The following PCDHGB4 variants were observed in gnomAD, a reference collection of about 807,000 sequenced individuals.
PCDHGB4 encodes the protein protocadherin gamma subfamily B, 4, also known as protocadherin gamma-B4.
Under a neutral mutation model 60.5 loss-of-function variants are expected in PCDHGB4, and 38 were observed. That is an observed-to-expected ratio of 0.63 (90% confidence interval 0.48 to 0.82). The LOEUF (loss-of-function observed/expected upper bound fraction) is 0.82. Ranked by LOEUF, PCDHGB4 falls within the 40% of genes least tolerant of loss-of-function variation. PCDHGB4 has a pLI of 0.00. For missense variants in PCDHGB4, 1,109 were observed against 1,209.6 expected, an observed-to-expected ratio of 0.92 and a Z score of 1.23; for synonymous variants, 456 against 509.7, an observed-to-expected ratio of 0.89 and a Z score of 1.42.
At position 141,491,502 on chromosome 5, in the gene PCDHGB4, C is replaced by G. The variant is rs751961360; in HGVS notation, c.2398-3305C>G. 1.4e-5 allele frequency: 23 copies of G among 1,614,080 alleles called. No homozygotes were observed. Among genetic ancestry groups the G allele is most frequent in the Non-Finnish European group, 1.8e-5 (21 of 1,180,006 alleles). ...GCCCCAACCTGCAGGTGAGCTCGGA[C>G]GGCACGCTCAAGTACATGGAGGTGA... On this transcript the variant is annotated intron_variant, in intron 1 of 3. Coordinates refer to ENST00000519479, the MANE Select transcript of PCDHGB4 (RefSeq NM_003736.4). This position sits in a 1 kb window ranked among gnomAD's most constrained non-coding sequence, Gnocchi z 6.9.
intron 1 of PCDHGB4, among the ~76,000 whole-genome samples, chr5:141,425,555 A>T (rs1282440598): frequency 6.6e-6 from 1 of 152,270 alleles, no homozygotes; most frequent in African/African-American, 2.4e-5. Flanking sequence ...AACCTCTTTT[A>T]TAAGTGATAA....
intron 1 of PCDHGB4, chr5:141,395,944 C>G (rs1218959085): frequency 6.6e-6 from 1 of 151,840 alleles, no homozygotes; most frequent in East Asian, 1.9e-4. Context: ...CATTGCTCCC[C>G]CAAACAAAAA....
chr5:141,478,799 CTT>C, intron 1 of PCDHGB4: 1 of 1,463,738 alleles, frequency 6.8e-7, no homozygotes, highest in Non-Finnish European at 9.0e-7. Flanking sequence ...CCTCAGCACT[CTT>C]TTGCTATCAC....
At position 141,489,861 on chromosome 5, in the gene PCDHGB4, A is replaced by G. The variant is rs1221756350; in HGVS notation, c.2398-4946A>G. The G allele has an allele frequency of 1.2e-5, 19 of 1,614,058 alleles. No individual in the cohort carries two copies. Among genetic ancestry groups the G allele is most frequent in the Non-Finnish European group, 1.5e-5 (18 of 1,179,998 alleles). On this transcript the variant is annotated intron_variant, in intron 1 of 3. Transcript: ENST00000519479. The surrounding 1 kb of genome is among the most constrained non-coding windows in gnomAD (Gnocchi z 4.5). ...AGCTGGATCGTGAAGCCCAGGCAAGACATCAGCTGGTGCTTACTGCTGTGG... is the reference window on the plus strand; with the variant it reads ...AGCTGGATCGTGAAGCCCAGGCAAGGCATCAGCTGGTGCTTACTGCTGTGG...
chr5:141,389,124 C>A lies in PCDHGB4; in HGVS notation c.1240C>A (p.Pro414Thr). 1 of 1,613,996 alleles carries A rather than the reference C, an allele frequency of 6.2e-7. No homozygotes were observed. Among genetic ancestry groups the A allele is most frequent in the Non-Finnish European group, 8.5e-7 (1 of 1,179,880 alleles). Residue 414 changes from proline to threonine, a missense_variant, in exon 1 of 4, where the codon CCA becomes ACA. Around this residue, in one of 2 missense-constraint regions of PCDHGB4, gnomAD observed 1,068 missense variants for 1,089.9 expected, o/e 0.98. Transcript: ENST00000519479. ...TDAVLDREQN[P>T]EYNITVTATD... Reference sequence around the variant, plus strand: ...TGCTGTTCTAGACCGCGAGCAGAATCCAGAGTACAATATAACCGTTACGGC... The same window carrying A: ...TGCTGTTCTAGACCGCGAGCAGAATACAGAGTACAATATAACCGTTACGGC...
At chr5:141,438,248 C>A (rs1370527448) in intron 1 of PCDHGB4, among the ~76,000 whole-genome samples, 1 of 151,970 alleles carries the variant, frequency 6.6e-6, no homozygotes, top group Non-Finnish European at 1.5e-5. Flanking sequence ...AAAAAACTGT[C>A]ATTGAAGAGA....
At chr5:141,425,159 G>T (rs557552439) in intron 1 of PCDHGB4, among the ~76,000 whole-genome samples, 1 of 152,244 alleles carries the variant, frequency 6.6e-6, no homozygotes, top group Non-Finnish European at 1.5e-5. Context: ...AGCATCTAGG[G>T]ATAGGATTTA....
intron 1 of PCDHGB4, chr5:141,400,772 G>T: frequency 1.8e-6 from 1 of 570,264 alleles, no homozygotes. Context: ...AAAACATTTG[G>T]TGCGTTTTTT....
intron 1 of PCDHGB4, among the ~76,000 whole-genome samples, chr5:141,455,749 C>A (rs2098830563): frequency 6.6e-6 from 1 of 152,086 alleles, no homozygotes; most frequent in Non-Finnish European, 1.5e-5. Context: ...AGGTTGCTGG[C>A]CTGGCTCCTA....
intron 1 of PCDHGB4, among the ~76,000 whole-genome samples, chr5:141,460,976 T>C (rs1444476508): frequency 7.6e-6 from 1 of 131,636 alleles, no homozygotes; most frequent in Non-Finnish European, 1.6e-5. Flanking sequence ...TGTGTGTGTG[T>C]GTGTGTGTAT....
At chr5:141,413,444 C>T (rs2095641519) in intron 1 of PCDHGB4, 2 of 1,613,998 alleles carry the variant, frequency 1.2e-6, no homozygotes, top group Non-Finnish European at 1.7e-6. Context: ...AGCTTGATCA[C>T]CGCGGGCAGG....
chr5:141,508,979 G>A (rs1317798009), intron 3 of PCDHGB4, among the ~76,000 whole-genome samples: 1 of 152,110 alleles, frequency 6.6e-6, no homozygotes, highest in Non-Finnish European at 1.5e-5. Context: ...GCTGGGGGTG[G>A]GGGCCAGCTG....
intron 1 of PCDHGB4, among the ~76,000 whole-genome samples, chr5:141,438,325 A>C (rs1400796518): frequency 6.6e-6 from 1 of 151,948 alleles, no homozygotes; most frequent in African/African-American, 2.4e-5. Context: ...AATTTTTCTT[A>C]TACATGTCAT....
rs2092083901 is a variant in PCDHGB4, at chr5:141,390,211, A to C, written c.2327A>C (p.Asp776Ala). 1 of 1,613,936 alleles carries C rather than the reference A, an allele frequency of 6.2e-7. No individual in the cohort carries two copies. Residue 776 changes from aspartate to alanine, a missense_variant, in exon 1 of 4, where the codon GAC becomes GCC. Physicochemically the swap from Asp to Ala is moderately radical, Grantham distance 126 (BLOSUM62 -2). This residue lies in a region of PCDHGB4 where 1,068 missense variants were observed against 1,089.9 expected (regional missense o/e 0.98). Transcript: ENST00000519479. ...KCSEQLSSGQ[D>A]ILCGDSSGAL... Reference sequence around the variant, plus strand: ...AGTGAGCAGTTGAGTTCAGGACAAGACATACTTTGCGGTGATTCATCTGGG... The same window carrying C: ...AGTGAGCAGTTGAGTTCAGGACAAGCCATACTTTGCGGTGATTCATCTGGG...
intron 3 of PCDHGB4, among the ~76,000 whole-genome samples, chr5:141,506,038 G>C (rs2099850248): frequency 6.6e-6 from 1 of 152,174 alleles, no homozygotes; most frequent in South Asian, 2.1e-4. Context: ...GTAGGATTCT[G>C]GTTTTCCCAT....
intron 1 of PCDHGB4, among the ~76,000 whole-genome samples, chr5:141,460,344 A>G (rs930557610): frequency 7.2e-5 from 11 of 152,060 alleles, no homozygotes; most frequent in African/African-American, 2.2e-4. Context: ...ATTTTCTCCT[A>G]TATTTTCTTT....
At chr5:141,425,521 C>A (rs2096880944) in intron 1 of PCDHGB4, among the ~76,000 whole-genome samples, 1 of 152,210 alleles carries the variant, frequency 6.6e-6, no homozygotes, top group Non-Finnish European at 1.5e-5. Flanking sequence ...TATGATGAAA[C>A]ATGAAACAAT....
chr5:141,416,458 G>A (rs1391820726), intron 1 of PCDHGB4: 1 of 152,194 alleles, frequency 6.6e-6, no homozygotes, highest in Non-Finnish European at 1.5e-5. Flanking sequence ...TGGGAAGACA[G>A]ATAAATTTGT....
In PCDHGB4 at chr5:141,490,081, T is replaced by A; in HGVS notation, c.2398-4726T>A. Reference sequence around the variant, plus strand: ...CACCAACGGCCAACTAGACTATTCTTTTGGAGACCACACATCTGAGGCAGT... The same window carrying A: ...CACCAACGGCCAACTAGACTATTCTATTGGAGACCACACATCTGAGGCAGT... On this transcript the variant is annotated intron_variant, in intron 1 of 3. Coordinates refer to ENST00000519479, the MANE Select transcript of PCDHGB4 (RefSeq NM_003736.4). The surrounding 1 kb of genome is among the most constrained non-coding windows in gnomAD (Gnocchi z 5.4). 3 of 1,614,216 alleles carry A rather than the reference T, an allele frequency of 1.9e-6. No homozygotes were observed. Among genetic ancestry groups the A allele is most frequent in the Non-Finnish European group, 2.5e-6 (3 of 1,180,040 alleles).
Sources: gnomAD v4.1 joint callset for allele counts (sites outside exome capture counted in the v4.1 genomes callset) on GRCh38, gnomAD v4.1.1 for gene constraint, gnomAD v4.1.1 regional missense constraint, Gnocchi (gnomAD v3.1) non-coding constraint, MANE v1.5 for transcripts, NCBI Gene and HGNC (gene_info 2026-07-23, HGNC 2026-07-21) for gene names.